Variants in USP54 observed in about 807,000 individuals in gnomAD.
The protein encoded by USP54 is ubiquitin specific peptidase 54.
Under a neutral mutation model 170.5 loss-of-function variants are expected in USP54, and 87 were observed. That is an observed-to-expected ratio of 0.51 (90% CI 0.43 to 0.61). USP54 has a LOEUF of 0.61. USP54 is among the 20% of genes least tolerant of loss of function. USP54 has a pLI of 0.00. For synonymous variants in USP54, 655 were observed against 742.8 expected (o/e 0.88, Z 1.92); for missense variants, 1,786 against 2,047.8 (o/e 0.87, Z 2.47).
chr10:73,586,887 C>T (rs959039348), intron 1 of USP54, among the ~76,000 whole-genome samples: 2 of 152,188 alleles, frequency 1.3e-5, no homozygotes, highest in Non-Finnish European at 2.9e-5. Context: ...CAAACTATTA[C>T]ATCATGTACA....
chr10:73,621,445 C>CA (rs1474453561), intron 1 of USP54, among the ~76,000 whole-genome samples: 2 of 150,706 alleles, frequency 1.3e-5, no homozygotes, highest in African/African-American at 4.9e-5. Flanking sequence ...ACTAAAAATA[C>CA]AAAAAATAGC....
intron 12 of USP54, 80 bp downstream of exon 12, chr10:73,534,520 T>C (rs2064822955): frequency 1.3e-6 from 2 of 1,509,790 alleles, no homozygotes; most frequent in African/African-American, 2.8e-5. Flanking sequence ...CCACTGCGCC[T>C]GGCCTCACAG....
intron 20 of USP54, chr10:73,506,494 C>T (rs1386289453): frequency 6.6e-6 from 1 of 152,122 alleles, no homozygotes; most frequent in Non-Finnish European, 1.5e-5. Flanking sequence ...ATACATATGT[C>T]CATGGCCAAT....
At chr10:73,536,872 G>C (rs1173848516) in intron 10 of USP54, among the ~76,000 whole-genome samples, 1 of 152,220 alleles carries the variant, frequency 6.6e-6, no homozygotes, top group Non-Finnish European at 1.5e-5. Context: ...TGAAGCTGAA[G>C]AGCAGACAGA....
intron 1 of USP54, among the ~76,000 whole-genome samples, chr10:73,588,937 T>C (rs1437841923): frequency 6.6e-6 from 1 of 152,238 alleles, no homozygotes; most frequent in Non-Finnish European, 1.5e-5. Flanking sequence ...GAACTACTAA[T>C]AGTCATACAT....
chr10:73,584,831 C>A (rs2077297379), intron 1 of USP54, among the ~76,000 whole-genome samples: 2 of 152,094 alleles, frequency 1.3e-5, no homozygotes, highest in African/African-American at 4.8e-5. Flanking sequence ...TAACTATTTC[C>A]TATTTAGAAA....
chr10:73,504,290 C>T (rs2058695327), intron 22 of USP54: 1 of 153,950 alleles, frequency 6.5e-6, no homozygotes, highest in African/African-American at 2.4e-5. Context: ...TACCTACAAA[C>T]CTAGCCACTG....
rs369178559 is a variant in USP54, at chr10:73,529,839, T to C, written c.1901A>G (p.Gln634Arg). ...YDIKFGGPSP[Q>R]YKRWGPARPG... ...CCGTGCTGGGCCCCAGCGCTTGTAC[T>C]GGGGGCTTGGTCCACCAAATTTAAT... Residue 634 changes from glutamine (Q) to arginine (R), a missense_variant, in exon 15 of 24, where the codon CAG becomes CGG. By Grantham distance (43) the Gln-to-Arg change is conservative. Transcript: ENST00000687698. 1.3e-6 allele frequency: 2 copies of C among 1,593,796 alleles called. No homozygotes were observed. The highest frequency in any genetic ancestry group is 1.1e-5 in the South Asian group (1 of 88,242).
At chr10:73,541,763 G>A (rs1410477376) in intron 7 of USP54, 25 bp from the exon 8 acceptor site, 1 of 1,604,696 alleles carries the variant, frequency 6.2e-7, no homozygotes, top group Non-Finnish European at 8.5e-7. Flanking sequence ...ATAGAAGGGG[G>A]ATGATGGTTT....
intron 1 of USP54, among the ~76,000 whole-genome samples, chr10:73,619,774 C>T (rs1458269693): frequency 6.6e-6 from 1 of 150,550 alleles, no homozygotes; most frequent in Non-Finnish European, 1.5e-5. Flanking sequence ...AATTACTTAT[C>T]CTTAGTACAA....
At chr10:73,539,926 G>A (rs1309118761) in intron 9 of USP54, among the ~76,000 whole-genome samples, 1 of 151,604 alleles carries the variant, frequency 6.6e-6, no homozygotes, top group East Asian at 2.0e-4. Context: ...AGGTATTCGA[G>A]ACCAGCCTGG....
intron 19 of USP54, 197 bp downstream of exon 19, chr10:73,519,600 C>T (rs964234582): frequency 6.2e-6 from 5 of 808,682 alleles, no homozygotes; most frequent in African/African-American, 1.7e-5. Flanking sequence ...GTACTTTTTG[C>T]ATCCTAGGAA....
intron 12 of USP54, among the ~76,000 whole-genome samples, chr10:73,533,243 T>G (rs567058370): frequency 2.0e-5 from 3 of 151,878 alleles, no homozygotes; most frequent in Non-Finnish European, 4.4e-5. Context: ...GAGGTGGAGA[T>G]TGCAGTGAGC....
intron 16 of USP54, among the ~76,000 whole-genome samples, chr10:73,525,441 A>G (rs938796683): frequency 1.3e-5 from 2 of 152,196 alleles, no homozygotes; most frequent in African/African-American, 4.8e-5. Context: ...CTTGCTAATT[A>G]TCTTTTACCA....
rs762358370 is a variant in USP54 at position 73,529,787 on chromosome 10, G to C, written c.1953C>G (p.His651Gln). The C allele has an allele frequency of 2.5e-6, 4 of 1,613,756 alleles. No individual in the cohort carries two copies. The South Asian group carries it at 4.4e-5, about 18-fold the overall frequency. Residue 651 changes from histidine (H) to glutamine (Q), a missense_variant, in exon 15 of 24, where the codon CAC becomes CAG. Physicochemically the swap from His to Gln is conservative, Grantham distance 24. Around this residue, in one of 3 missense-constraint regions of USP54, gnomAD observed 1,418 missense variants for 1,569.0 expected, o/e 0.90. Coordinates refer to ENST00000687698, the MANE Select transcript of USP54 (RefSeq NM_001391956.1). Reference protein sequence around the residue: ...ARPGSHLLEQHPRLIQRMESG... With the variant: ...ARPGSHLLEQQPRLIQRMESG... ...ATTCCATTCGCTGGATTAGTCGGGG[G>C]TGCTGCTCTAAAAGGTGAGAGCCTG...
chr10:73,603,485 C>A (rs113762712), intron 1 of USP54, among the ~76,000 whole-genome samples: 1 of 151,952 alleles, frequency 6.6e-6, no homozygotes, highest in African/African-American at 2.4e-5. Flanking sequence ...GTGGCCAAGG[C>A]GGGCAGATCA....
intron 1 of USP54, among the ~76,000 whole-genome samples, chr10:73,579,986 G>A (rs1422969373): frequency 2.6e-5 from 4 of 151,992 alleles, no homozygotes; most frequent in South Asian, 2.1e-4. Flanking sequence ...AACAAGTGCC[G>A]ATGAGGAATC....
chr10:73,611,374 T>A (rs72814326), intron 1 of USP54, among the ~76,000 whole-genome samples: 40 of 152,236 alleles, frequency 2.6e-4, no homozygotes, highest in Middle Eastern at 3.4e-3. Flanking sequence ...AAGTACAAGG[T>A]ATGGTAGCTC....
In USP54 at chr10:73,505,298, A is replaced by C. The variant is rs749810053; in HGVS notation, c.4170+10T>G. ...CCCAGGCCCAGCACCTTAGCACCTG[A>C]GGCTGCTACCTGAGAAGTACGCACT... On this transcript the variant is annotated intron_variant, in intron 21 of 23. Coordinates refer to ENST00000687698, the MANE Select transcript of USP54 (RefSeq NM_001391956.1). The C allele has an allele frequency of 6.2e-7, 1 of 1,608,970 alleles. No homozygotes were observed. Among genetic ancestry groups the C allele is most frequent in the Non-Finnish European group, 8.5e-7 (1 of 1,175,976 alleles).
Sources: gnomAD v4.1 joint callset for allele counts (sites outside exome capture counted in the v4.1 genomes callset) on GRCh38, gnomAD v4.1.1 for gene constraint, gnomAD v4.1.1 regional missense constraint, MANE v1.5 for transcripts, NCBI Gene and HGNC (gene_info 2026-07-23, HGNC 2026-07-21) for gene names.